Variants in WDPCP observed in about 807,000 individuals in gnomAD.
The protein encoded by WDPCP is WD repeat-containing and planar cell polarity effector protein fritz homolog.
WDPCP carries 71 observed loss-of-function variants against 93.1 expected under a neutral mutation model. The ratio of observed to expected loss-of-function variants is 0.76; its 90% CI spans 0.63 to 0.93. WDPCP has a LOEUF of 0.93. Ranked by LOEUF, WDPCP falls within the 40% of genes least tolerant of loss-of-function variation. The pLI, the probability that WDPCP is intolerant of heterozygous loss-of-function variation, is 0.00. For missense variants in WDPCP, 844 were observed against 887.4 expected, an observed-to-expected ratio of 0.95 and a Z score of 0.62; for synonymous variants, 315 against 315.0, an observed-to-expected ratio of 1.00 and a Z score of 0.00.
chr2:63,402,271 A>C (rs1043429601), intron 10 of WDPCP, among the ~76,000 whole-genome samples: 1 of 152,154 alleles, frequency 6.6e-6, no homozygotes, highest in African/African-American at 2.4e-5. Flanking sequence ...AACAATGAGA[A>C]TACATGGACA....
At chr2:63,313,888 T>TA (rs1686414633) in intron 12 of WDPCP, among the ~76,000 whole-genome samples, 2 of 5,010 alleles carry the variant, frequency 4.0e-4, no homozygotes, top group East Asian at 0.038. Flanking sequence ...ATATATATAT[T>TA]TTTTTTTTTT....
In WDPCP at chr2:63,585,776, A is replaced by C. The variant is rs559161279; in HGVS notation, c.75+2421T>G. Among the ~76,000 whole-genome samples the C allele has an allele frequency of 2.6e-5, 4 of 152,144 alleles. 1 individual carries two copies. The highest frequency in any genetic ancestry group is 9.6e-5 in the African/African-American group (4 of 41,544). ...ACATTAAGATGAATGAGTTTTAACT[A>C]GATCTATAACAATTTTATATATGCT... is the stretch of plus-strand genomic sequence containing the variant. On this transcript the variant is annotated intron_variant, in intron 1 of 17. Transcript: ENST00000272321.
intron 6 of WDPCP, among the ~76,000 whole-genome samples, chr2:63,450,078 T>TA (rs1452251838): frequency 6.6e-6 from 1 of 152,158 alleles, no homozygotes; most frequent in Non-Finnish European, 1.5e-5. Flanking sequence ...GCTCCCTATC[T>TA]AGGGATGTGA....
intron 2 of WDPCP, among the ~76,000 whole-genome samples, chr2:63,653,494 A>T (rs1710131739): frequency 6.6e-6 from 1 of 152,236 alleles, no homozygotes; most frequent in African/African-American, 2.4e-5. Flanking sequence ...AATCCTTAAA[A>T]GCAAGTCTGG....
intron 1 of WDPCP, among the ~76,000 whole-genome samples, chr2:63,497,632 C>G (rs767891965): frequency 6.6e-6 from 1 of 152,084 alleles, no homozygotes; most frequent in African/African-American, 2.4e-5. Flanking sequence ...CCTTTTTAGT[C>G]TTCAAGCATT....
chr2:63,803,266 A>G (rs891047418), intron 2 of WDPCP, among the ~76,000 whole-genome samples: 4 of 152,222 alleles, frequency 2.6e-5, no homozygotes, highest in Admixed American at 2.6e-4. Flanking sequence ...TGACCTGTGT[A>G]TTTTAAACAT....
chr2:63,566,953 G>A (rs1011415603), intron 1 of WDPCP, among the ~76,000 whole-genome samples: 3 of 152,146 alleles, frequency 2.0e-5, no homozygotes, highest in Admixed American at 6.5e-5. Context: ...CTTAGCAACA[G>A]CCAAATGCAA....
At chr2:63,222,235 G>A (rs1677900193) in intron 14 of WDPCP, among the ~76,000 whole-genome samples, 1 of 152,192 alleles carries the variant, frequency 6.6e-6, no homozygotes, top group South Asian at 2.1e-4. Flanking sequence ...AACATCACCA[G>A]TTAGTTTTAG....
chr2:63,481,003 T>C (rs1700235152), intron 6 of WDPCP, among the ~76,000 whole-genome samples: 2 of 151,956 alleles, frequency 1.3e-5, no homozygotes, highest in African/African-American at 4.8e-5. Context: ...AAAGGACTAA[T>C]ATCCAGAATC....
At chr2:63,483,598 A>G (rs150277179) in intron 6 of WDPCP, among the ~76,000 whole-genome samples, 1 of 152,060 alleles carries the variant, frequency 6.6e-6, no homozygotes, top group East Asian at 1.9e-4. Context: ...AGATCTGTTT[A>G]TAATTGCTAC....
chr2:63,436,132 G>A (rs1005196659), intron 8 of WDPCP, among the ~76,000 whole-genome samples: 1 of 152,056 alleles, frequency 6.6e-6, no homozygotes, highest in African/African-American at 2.4e-5. Context: ...GCACACTGGT[G>A]CATTTTAAAG....
Position 63,121,208 on chromosome 2 carries a change from C to A in WDPCP, c.*798G>T, listed in dbSNP as rs1669526751. Among the ~76,000 whole-genome samples the A allele has an allele frequency of 6.6e-6, 1 of 151,904 alleles. No homozygotes were observed. Among genetic ancestry groups the A allele is most frequent in the Non-Finnish European group, 1.5e-5 (1 of 67,976 alleles). On this transcript the variant is annotated 3_prime_UTR_variant, in exon 18 of 18. Coordinates refer to ENST00000272321, the MANE Select transcript of WDPCP (RefSeq NM_015910.7). Reference sequence around the variant, plus strand: ...TCCAGAGGGAAACAGTATCTGTGTTCTAAGGGGCAGTCAGGGCAAATTACT... The same window carrying A: ...TCCAGAGGGAAACAGTATCTGTGTTATAAGGGGCAGTCAGGGCAAATTACT...
At chr2:63,208,880 C>A (rs560456591) in intron 14 of WDPCP, among the ~76,000 whole-genome samples, 65 of 152,194 alleles carry the variant, frequency 4.3e-4, no homozygotes, top group Non-Finnish European at 3.5e-4. Flanking sequence ...GGTTTATACC[C>A]TCCCTGAGCT....
intron 17 of WDPCP, among the ~76,000 whole-genome samples, chr2:63,142,817 G>GGT (rs143419326): frequency 0.11 from 16,745 of 146,296 alleles, 935 homozygotes; most frequent in Middle Eastern, 0.14. Flanking sequence ...CAGTGTTAGG[G>GGT]GTGTGTGTGT....
chr2:63,332,703 C>A (rs189241050), intron 12 of WDPCP, among the ~76,000 whole-genome samples: 35 of 152,152 alleles, frequency 2.3e-4, no homozygotes, highest in African/African-American at 7.5e-4. Context: ...TTTTCATTTT[C>A]TTAATGGTGT....
intron 2 of WDPCP, among the ~76,000 whole-genome samples, chr2:63,735,570 G>A (rs551376434): frequency 1.3e-5 from 2 of 152,206 alleles, no homozygotes; most frequent in East Asian, 3.9e-4. Flanking sequence ...TTTTGAGCAG[G>A]GAAGTAATAG....
rs1020201669 is a variant in WDPCP at position 63,622,914 on chromosome 2, G to A, written n.488+27745C>T. The A allele has an allele frequency of 2.5e-6, 3 of 1,179,404 alleles. No individual in the cohort carries two copies. In the African/African-American group the frequency reaches 4.5e-5, roughly 18 times the overall value. 73.1% of individuals were successfully genotyped at this position (1,179,404 alleles called of 1,614,324 possible). On this transcript the variant is annotated intron_variant and non_coding_transcript_variant, in intron 3 of 4. Transcript: ENST00000467687. ...GGCACGCGGGGGCCGGGCCAGGCCGGGGCTCGGCGCACACCTGCTGCCAGG... is the reference window on the plus strand; with the variant it reads ...GGCACGCGGGGGCCGGGCCAGGCCGAGGCTCGGCGCACACCTGCTGCCAGG...
chr2:63,309,183 C>G (rs557616861), intron 13 of WDPCP, among the ~76,000 whole-genome samples: 2 of 152,256 alleles, frequency 1.3e-5, no homozygotes, highest in South Asian at 4.1e-4. Flanking sequence ...GGGTACACCA[C>G]AAGCCCAATC....
intron 10 of WDPCP, among the ~76,000 whole-genome samples, chr2:63,383,312 C>T (rs1692469720): frequency 6.6e-6 from 1 of 151,956 alleles, no homozygotes; most frequent in African/African-American, 2.4e-5. Flanking sequence ...TAAAAATGAT[C>T]CAAAATTCAT....
Sources: allele counts gnomAD v4.1 joint callset (sites outside exome capture counted in the v4.1 genomes callset), GRCh38; gene constraint gnomAD v4.1.1; transcripts MANE v1.5; gene names NCBI Gene and HGNC (gene_info 2026-07-23, HGNC 2026-07-21).